Variants in GALNT10 observed in about 807,000 individuals in gnomAD.
GALNT10 encodes the protein polypeptide N-acetylgalactosaminyltransferase 10, also known as GalNAc transferase 10.
GALNT10 carries 41 observed loss-of-function variants against 75.0 expected under a neutral mutation model. That is an observed-to-expected ratio of 0.55 (90% CI 0.43 to 0.71). The LOEUF (loss-of-function observed/expected upper bound fraction) is 0.71, where lower values mean the gene tolerates loss of function less well. GALNT10 is among the 30% of genes least tolerant of loss of function. The pLI is 0.00. For missense variants in GALNT10, 727 were observed against 818.5 expected, an observed-to-expected ratio of 0.89 and a Z score of 1.36; for synonymous variants, 302 against 313.0, an observed-to-expected ratio of 0.96 and a Z score of 0.37.
intron 1 of GALNT10, among the ~76,000 whole-genome samples, chr5:154,198,699 CCTT>C (rs1320013401): frequency 1.1e-4 from 16 of 152,190 alleles, no homozygotes; most frequent in African/African-American, 2.9e-4. Context: ...CCCTCTGTAT[CCTT>C]CTAGATTCAG....
intron 4 of GALNT10, among the ~76,000 whole-genome samples, chr5:154,364,246 A>G (rs1053942227): frequency 1.3e-5 from 2 of 152,188 alleles, no homozygotes; most frequent in African/African-American, 2.4e-5. Flanking sequence ...CTGAGATGAG[A>G]GATGGTTCTG....
intron 1 of GALNT10, among the ~76,000 whole-genome samples, chr5:154,205,642 A>T (rs1775094575): frequency 6.6e-6 from 1 of 152,248 alleles, no homozygotes; most frequent in African/African-American, 2.4e-5. Flanking sequence ...AAATGTAACC[A>T]ATCAAGATGA....
chr5:154,376,200 T>C lies in GALNT10; in HGVS notation c.569-77T>C, dbSNP rs1026638653. On this transcript the variant is annotated intron_variant, in intron 4 of 11. Transcript: ENST00000297107. This position sits in a 1 kb window ranked among gnomAD's most constrained non-coding sequence, Gnocchi z 4.1. Reference sequence around the variant, plus strand: ...GCTGTGTCTAGACTGTGAAGTGCAGTTCACATGTAAGGGAGGAGTCATAAG... The same window carrying C: ...GCTGTGTCTAGACTGTGAAGTGCAGCTCACATGTAAGGGAGGAGTCATAAG... 3.3e-6 allele frequency: 3 copies of C among 917,508 alleles called. No individual in the cohort carries two copies. In the African/African-American group the frequency reaches 5.0e-5, roughly 15 times the overall value. The allele number at this position is 917,508 out of a possible 1,614,324, so 56.8% of individuals were successfully genotyped here.
intron 3 of GALNT10, among the ~76,000 whole-genome samples, chr5:154,304,013 A>C (rs1754395929): frequency 6.6e-6 from 1 of 152,218 alleles, no homozygotes; most frequent in African/African-American, 2.4e-5. Flanking sequence ...TGAAATCAAC[A>C]ATGTCTAAAA....
rs1008210126 is a variant in GALNT10, at chr5:154,352,500, C to A, written c.568+22762C>A. Among the ~76,000 whole-genome samples the A allele has an allele frequency of 5.9e-5, 9 of 152,148 alleles. No individual in the cohort carries two copies. Among genetic ancestry groups the A allele is most frequent in the Non-Finnish European group, 7.4e-5 (5 of 68,024 alleles). ...GGTATAATATTATCCCCATTTTGCCCATGAAAACCCTGCAGCTGGGAGAGG... is the reference window on the plus strand; with the variant it reads ...GGTATAATATTATCCCCATTTTGCCAATGAAAACCCTGCAGCTGGGAGAGG... On this transcript the variant is annotated intron_variant, in intron 4 of 11. Transcript: ENST00000297107. This position sits in a 1 kb window ranked among gnomAD's most constrained non-coding sequence, Gnocchi z 4.4.
At chr5:154,254,085 C>T (rs1753570709) in intron 1 of GALNT10, among the ~76,000 whole-genome samples, 1 of 152,126 alleles carries the variant, frequency 6.6e-6, no homozygotes, top group South Asian at 2.1e-4. Flanking sequence ...TTGTTATGCT[C>T]TCAGGACCAG....
At chr5:154,404,072 C>G in intron 7 of GALNT10, 32 bp from the exon 8 acceptor site, 1 of 1,531,420 alleles carries the variant, frequency 6.5e-7, no homozygotes. Context: ...GAAGCAGAAA[C>G]GTCATCCTCT....
intron 1 of GALNT10, among the ~76,000 whole-genome samples, chr5:154,279,291 TTG>T (rs1301688778): frequency 6.9e-6 from 1 of 144,416 alleles, no homozygotes; most frequent in Non-Finnish European, 1.5e-5. Context: ...GTTGTTGTTG[TTG>T]TTGTTGTTTT....
At position 154,190,923 on chromosome 5, in the gene GALNT10, G is replaced by C. The variant is rs1774848832; in HGVS notation, c.57G>C (p.Leu19=). The C allele has an allele frequency of 6.7e-7, 1 of 1,500,818 alleles. No individual in the cohort carries two copies. The highest frequency in any genetic ancestry group is 8.9e-7 in the Non-Finnish European group (1 of 1,126,382). The allele number at this position is 1,500,818 out of a possible 1,614,324, so 93.0% of individuals were successfully genotyped here. The change falls in exon 1 of 12, where the codon CTG becomes CTC. Residue 19 remains leucine, a synonymous_variant. Transcript: ENST00000297107. The part of the protein sequence containing the change: ...LQAVALVLAA[L]VLLPNVGLWA... Reference sequence around the variant, plus strand: ...CGGTGGCGCTGGTGCTGGCGGCCCTGGTCCTCCTGCCCAACGTGGGGCTTT... The same window carrying C: ...CGGTGGCGCTGGTGCTGGCGGCCCTCGTCCTCCTGCCCAACGTGGGGCTTT...
chr5:154,211,442 A>G (rs1581920166), intron 1 of GALNT10, among the ~76,000 whole-genome samples: 1 of 152,228 alleles, frequency 6.6e-6, no homozygotes. Flanking sequence ...TGTCTTAACA[A>G]TAGAGAAAAT....
intron 4 of GALNT10, chr5:154,347,174 T>A (rs1255234532): frequency 1.2e-5 from 6 of 513,414 alleles, no homozygotes; most frequent in South Asian, 2.9e-5. Flanking sequence ...CATTGTTGTC[T>A]GGCATTGTCT....
rs1328043467 is a variant in GALNT10 at position 154,417,200 on chromosome 5, GA to G, written c.*229del. The G allele has an allele frequency of 2.4e-5, 13 of 546,562 alleles. No homozygotes were observed. The highest frequency in any genetic ancestry group is 3.3e-6 in the Non-Finnish European group (1 of 304,780). 33.9% of individuals were successfully genotyped at this position (546,562 alleles called of 1,614,324 possible). A position where few individuals can be genotyped will look rare whatever the true frequency, so the allele number is the denominator to read the frequency against. ...CCCACAAGAGGCCCCACAGGGAGCA[GA>G]GACTGCTTTAATCCCTGCTGACATC... is the stretch of plus-strand genomic sequence containing the variant. On this transcript the variant is annotated 3_prime_UTR_variant, in exon 12 of 12. Transcript: ENST00000297107.
chr5:154,245,936 C>T (rs1753415106), intron 1 of GALNT10, among the ~76,000 whole-genome samples: 1 of 151,312 alleles, frequency 6.6e-6, no homozygotes, highest in African/African-American at 2.4e-5. Context: ...TTAGGTATAT[C>T]TCCTAATGCT....
chr5:154,266,402 T>G (rs899364585), intron 1 of GALNT10, among the ~76,000 whole-genome samples: 1 of 152,098 alleles, frequency 6.6e-6, no homozygotes, highest in African/African-American at 2.4e-5. Context: ...TTTAATTAAA[T>G]TTTTTATTTT....
chr5:154,326,064 A>C (rs1292052290), intron 3 of GALNT10, among the ~76,000 whole-genome samples: 1 of 151,456 alleles, frequency 6.6e-6, no homozygotes, highest in African/African-American at 2.4e-5. Context: ...TTGTATTTCT[A>C]CACACTAGCA....
intron 4 of GALNT10, chr5:154,338,370 T>C (rs1754975926): frequency 4.4e-6 from 2 of 452,494 alleles, no homozygotes; most frequent in Non-Finnish European, 8.2e-6. Context: ...CCTCAGGCTC[T>C]CATCAGTTGT....
At chr5:154,367,744 G>A (rs984573716) in intron 4 of GALNT10, among the ~76,000 whole-genome samples, 2 of 151,720 alleles carry the variant, frequency 1.3e-5, no homozygotes, top group Non-Finnish European at 2.9e-5. Context: ...TGTAGTCCCC[G>A]CTACTCAGGA....
intron 7 of GALNT10, among the ~76,000 whole-genome samples, chr5:154,391,141 A>C (rs1449714303): frequency 6.6e-6 from 1 of 152,214 alleles, no homozygotes; most frequent in Non-Finnish European, 1.5e-5. Flanking sequence ...TGCAGGGCTG[A>C]GGGGAACAGG....
chr5:154,317,318 GAGA>G (rs1350034469), intron 3 of GALNT10, among the ~76,000 whole-genome samples: 1 of 152,186 alleles, frequency 6.6e-6, no homozygotes, highest in South Asian at 2.1e-4. Flanking sequence ...TTTACTCAGA[GAGA>G]AGATTTTTGA....
Sources: allele counts gnomAD v4.1 joint callset (sites outside exome capture counted in the v4.1 genomes callset), GRCh38; gene constraint gnomAD v4.1.1; non-coding constraint Gnocchi (gnomAD v3.1); transcripts MANE v1.5; gene names NCBI Gene and HGNC (gene_info 2026-07-23, HGNC 2026-07-21).